The following NPLOC4 variants were observed in gnomAD, a reference collection of about 807,000 sequenced individuals.
NPLOC4 encodes the protein nuclear protein localization protein 4 homolog.
In NPLOC4, 18 loss-of-function variants were observed where a neutral mutation model predicts 80.6. The ratio of observed to expected loss-of-function variants is 0.22; its 90% CI spans 0.15 to 0.33. The LOEUF (loss-of-function observed/expected upper bound fraction) is 0.33, where lower values mean the gene tolerates loss of function less well. Ranked by LOEUF, NPLOC4 falls within the 10% of genes least tolerant of loss-of-function variation. NPLOC4 has a pLI of 1.00. For missense variants in NPLOC4, 540 were observed against 786.1 expected, an observed-to-expected ratio of 0.69 and a Z score of 3.74; for synonymous variants, 313 against 301.5, an observed-to-expected ratio of 1.04 and a Z score of -0.39.
At position 81,627,537 on chromosome 17, in the gene NPLOC4, C is replaced by T. The variant is rs539736898; in HGVS notation, c.96+2188G>A. Among the ~76,000 whole-genome samples, 8 of 151,898 alleles carry T rather than the reference C, an allele frequency of 5.3e-5. No individual in the cohort carries two copies. In the East Asian group the frequency reaches 1.6e-3, roughly 30 times the overall value. ...GGTGGATCACCTGAGGTCAGGAGTT[C>T]GAGACCAGCCTGACCAACATGGTGA... On this transcript the variant is annotated intron_variant, in intron 2 of 16. Coordinates refer to ENST00000331134, the MANE Select transcript of NPLOC4 (RefSeq NM_017921.4).
intron 12 of NPLOC4, among the ~76,000 whole-genome samples, chr17:81,587,225 A>G: frequency 6.6e-6 from 1 of 152,204 alleles, no homozygotes; most frequent in East Asian, 1.9e-4. Context: ...TATAACCCCA[A>G]CACTTTTGGA....
intron 9 of NPLOC4, among the ~76,000 whole-genome samples, chr17:81,599,975 C>T (rs62074673): frequency 0.08 from 12,192 of 152,190 alleles, 565 homozygotes; most frequent in Middle Eastern, 0.17. Context: ...AGAGCTCAGG[C>T]AGAAGGGACA....
In NPLOC4 at chr17:81,577,217, C is replaced by T. The variant is rs1474432726; in HGVS notation, c.1282-5129G>A. Among the ~76,000 whole-genome samples the T allele has an allele frequency of 3.3e-5, 5 of 152,006 alleles. No individual in the cohort carries two copies. The highest frequency in any genetic ancestry group is 1.2e-4 in the African/African-American group (5 of 41,358). The stretch of plus-strand genomic sequence containing the variant: ...CCTATGTCCCCTCAGCTCCCCACGG[C>T]GCTCTGACCCGCCCCACCCCATCAC... On this transcript the variant is annotated intron_variant, in intron 12 of 16. Transcript: ENST00000331134. The surrounding 1 kb of genome is among the most constrained non-coding windows in gnomAD (Gnocchi z 4.3).
chr17:81,581,182 G>A (rs529933212), intron 12 of NPLOC4, among the ~76,000 whole-genome samples: 2 of 151,614 alleles, frequency 1.3e-5, no homozygotes, highest in African/African-American at 4.8e-5. Flanking sequence ...AAACCCTGTC[G>A]CTACTAAAAA....
chr17:81,590,146 T>C (rs1226214846), intron 11 of NPLOC4, among the ~76,000 whole-genome samples: 3 of 152,234 alleles, frequency 2.0e-5, no homozygotes, highest in Admixed American at 2.0e-4. Flanking sequence ...ACAGAGTTAA[T>C]GCCACCAGGC....
chr17:81,584,187 G>A (rs1467674821), intron 12 of NPLOC4, among the ~76,000 whole-genome samples: 1 of 152,184 alleles, frequency 6.6e-6, no homozygotes, highest in Non-Finnish European at 1.5e-5. Context: ...TGACTTCAAT[G>A]TTTGCTTTTA....
At chr17:81,559,727 C>CTTT (rs11335414) in intron 16 of NPLOC4, among the ~76,000 whole-genome samples, 45 of 95,692 alleles carry the variant, frequency 4.7e-4, no homozygotes, top group African/African-American at 6.8e-4. Flanking sequence ...TTGTTTCCAG[C>CTTT]TTTTTTTTTT....
At position 81,630,560 on chromosome 17, in the gene NPLOC4, G is replaced by A. The variant is rs145036177; in HGVS notation, c.16-755C>T. 3.3e-3 allele frequency among the ~76,000 whole-genome samples: 506 copies of A among 152,084 alleles called. 5 individuals are homozygous for A. The highest frequency in any genetic ancestry group is 0.011 in the African/African-American group (458 of 41,486). On this transcript the variant is annotated intron_variant, in intron 1 of 16. Transcript: ENST00000331134. The stretch of plus-strand genomic sequence containing the variant: ...TGGGATTACAGGTGTGAGCCACAAC[G>A]CCAGCTATTACTTACTTTCCCTAAA...
rs955507559 is a variant in NPLOC4 at position 81,572,711 on chromosome 17, G to A, written c.1282-623C>T. Among the ~76,000 whole-genome samples, 7 of 152,252 alleles carry A rather than the reference G, an allele frequency of 4.6e-5. No individual in the cohort carries two copies. Among genetic ancestry groups the A allele is most frequent in the African/African-American group, 7.2e-5 (3 of 41,472 alleles). On this transcript the variant is annotated intron_variant, in intron 12 of 16. Transcript: ENST00000331134. This position sits in a 1 kb window ranked among gnomAD's most constrained non-coding sequence, Gnocchi z 4.5. Reference sequence around the variant, plus strand: ...GGCGCTTGGCCTGGCACTCAGGCGCGATCTGCGACAGGCAGAAGGGTCTGC... The same window carrying A: ...GGCGCTTGGCCTGGCACTCAGGCGCAATCTGCGACAGGCAGAAGGGTCTGC...
At chr17:81,632,028 C>T (rs867694808) in intron 1 of NPLOC4, among the ~76,000 whole-genome samples, 8 of 151,674 alleles carry the variant, frequency 5.3e-5, no homozygotes, top group Middle Eastern at 3.4e-3. Flanking sequence ...GGCGCAATCT[C>T]GGCTCACTGC....
Position 81,559,053 on chromosome 17 carries a change from G to A in NPLOC4, c.*206C>T. On this transcript the variant is annotated 3_prime_UTR_variant, in exon 17 of 17. Transcript: ENST00000331134. Reference sequence around the variant, plus strand: ...GTTTCCAGTCTGGAGACTGCATTCAGCCTGCAGAATACCAGCCGTGGCGCC... The same window carrying A: ...GTTTCCAGTCTGGAGACTGCATTCAACCTGCAGAATACCAGCCGTGGCGCC... The A allele has an allele frequency of 1.7e-6, 1 of 581,084 alleles. No individual in the cohort carries two copies. Among genetic ancestry groups the A allele is most frequent in the Middle Eastern group, 4.6e-4 (1 of 2,174 alleles). The allele number at this position is 581,084 out of a possible 1,614,324, so 36.0% of individuals were successfully genotyped here.
intron 2 of NPLOC4, among the ~76,000 whole-genome samples, 183 bp from the exon 3 acceptor site, chr17:81,622,461 A>C (rs981692546): frequency 6.6e-6 from 1 of 152,252 alleles, no homozygotes; most frequent in Non-Finnish European, 1.5e-5. Context: ...GGTGTCAATT[A>C]AAATGAATAA....
chr17:81,600,443 G>A lies in NPLOC4; in HGVS notation c.835-16C>T. ...GTGTACCAATCTGCAGGGAATCAAA[G>A]GGAGAAGATGGACTTAGAGCAGAGG... On this transcript the variant is annotated splice_polypyrimidine_tract_variant and intron_variant, in intron 8 of 16. Coordinates refer to ENST00000331134, the MANE Select transcript of NPLOC4 (RefSeq NM_017921.4). The A allele has an allele frequency of 6.3e-7, 1 of 1,598,104 alleles. No individual in the cohort carries two copies. The highest frequency in any genetic ancestry group is 1.3e-5 in the African/African-American group (1 of 74,676).
intron 6 of NPLOC4, among the ~76,000 whole-genome samples, chr17:81,607,393 C>CAA (rs1158799161): frequency 2.1e-4 from 16 of 77,876 alleles, no homozygotes; most frequent in African/African-American, 5.4e-4. Flanking sequence ...ATATAACTGA[C>CAA]AAAAAAAAAA....
chr17:81,572,651 TG>T lies in NPLOC4; in HGVS notation c.1282-564del, dbSNP rs761771849. On this transcript the variant is annotated intron_variant, in intron 12 of 16. Transcript: ENST00000331134. The surrounding 1 kb of genome is among the most constrained non-coding windows in gnomAD (Gnocchi z 4.5). ...GCTCTCGGGCACTGGGACTCCCCAC[TG>T]GGAGAGCACATCAAATGCCTCCTCT... Among the ~76,000 whole-genome samples, 7 of 152,242 alleles carry T rather than the reference TG, an allele frequency of 4.6e-5. No individual in the cohort carries two copies. Among genetic ancestry groups the T allele is most frequent in the Non-Finnish European group, 1.0e-4 (7 of 68,042 alleles).
chr17:81,628,429 C>G (rs898171329), intron 2 of NPLOC4, among the ~76,000 whole-genome samples: 1 of 151,728 alleles, frequency 6.6e-6, no homozygotes, highest in Non-Finnish European at 1.5e-5. Context: ...CAGAGGATTG[C>G]TTGAACCCAG....
At chr17:81,635,641 A>G (rs2036047833) in intron 1 of NPLOC4, among the ~76,000 whole-genome samples, 2 of 152,166 alleles carry the variant, frequency 1.3e-5, no homozygotes, top group Admixed American at 1.3e-4. Flanking sequence ...TCCTGACCTC[A>G]GGTGATCCAC....
At chr17:81,622,622 C>T (rs1019650525) in intron 2 of NPLOC4, among the ~76,000 whole-genome samples, 29 of 152,164 alleles carry the variant, frequency 1.9e-4, no homozygotes, top group Non-Finnish European at 3.5e-4. Context: ...ATGATCTCGG[C>T]TTACTGCAAC....
chr17:81,587,404 C>T (rs2034610820), intron 12 of NPLOC4, among the ~76,000 whole-genome samples: 1 of 151,700 alleles, frequency 6.6e-6, no homozygotes, highest in East Asian at 1.9e-4. Context: ...CAAGCTCTGC[C>T]TCCCAGGTTT....
Sources: allele counts gnomAD v4.1 joint callset (sites outside exome capture counted in the v4.1 genomes callset), GRCh38; gene constraint gnomAD v4.1.1; non-coding constraint Gnocchi (gnomAD v3.1); transcripts MANE v1.5; gene names NCBI Gene and HGNC (gene_info 2026-07-23, HGNC 2026-07-21).